The following FOXP2 variants were observed in gnomAD, a reference collection of about 807,000 sequenced individuals.
FOXP2 encodes forkhead box protein P2.
FOXP2 carries 12 observed loss-of-function variants against 115.8 expected under a neutral mutation model. The ratio of observed to expected loss-of-function variants is 0.10; its 90% CI spans 0.07 to 0.17. The LOEUF (loss-of-function observed/expected upper bound fraction) is 0.17. FOXP2 is among the 10% of genes least tolerant of loss of function. FOXP2 has a pLI of 1.00. For synonymous variants in FOXP2, 328 were observed against 297.7 expected (o/e 1.10, Z -1.05); for missense variants, 629 against 843.5 (o/e 0.75, Z 3.15).
At chr7:114,388,262 T>G in intron 2 of FOXP2, among the ~76,000 whole-genome samples, 1 of 152,154 alleles carries the variant, frequency 6.6e-6, no homozygotes, top group South Asian at 2.1e-4. Context: ...AATTGTAAAA[T>G]GAGCCCCACC....
chr7:114,198,592 G>C (rs1200057008), intron 1 of FOXP2, among the ~76,000 whole-genome samples: 1 of 152,198 alleles, frequency 6.6e-6, no homozygotes, highest in South Asian at 2.1e-4. Flanking sequence ...CTGCTGATCT[G>C]ACGGGAGGTG....
rs938461175 is a variant in FOXP2 at position 114,415,130 on chromosome 7, A to G, written c.-241A>G. ...TTGATTTGTTTTAATTACCAGCACAAAATGCCATCAGTCTGGGACGTGATC... is the reference window on the plus strand; with the variant it reads ...TTGATTTGTTTTAATTACCAGCACAGAATGCCATCAGTCTGGGACGTGATC... On this transcript the variant is annotated 5_prime_UTR_variant, in exon 1 of 17. Transcript: ENST00000350908. 2.2e-6 allele frequency: 1 copy of G among 454,176 alleles called. No homozygotes were observed. Among genetic ancestry groups the G allele is most frequent in the African/African-American group, 2.0e-5 (1 of 49,954 alleles). The allele number at this position is 454,176 out of a possible 1,614,324, so 28.1% of individuals were successfully genotyped here.
intron 3 of FOXP2, among the ~76,000 whole-genome samples, chr7:114,538,752 T>A (rs1411563478): frequency 1.3e-5 from 2 of 151,826 alleles, no homozygotes; most frequent in Non-Finnish European, 2.9e-5. Context: ...ATTGGGTATA[T>A]CTTGTTGGAT....
intron 3 of FOXP2, among the ~76,000 whole-genome samples, 180 bp from the exon 4 acceptor site, chr7:114,628,360 G>C (rs1043948214): frequency 6.6e-6 from 1 of 152,180 alleles, no homozygotes; most frequent in African/African-American, 2.4e-5. Context: ...TGGAAAGCTA[G>C]TGTCTATGTT....
chr7:114,155,501 C>G (rs1792640638), intron 1 of FOXP2, among the ~76,000 whole-genome samples: 1 of 152,156 alleles, frequency 6.6e-6, no homozygotes, highest in Non-Finnish European at 1.5e-5. Flanking sequence ...CCCTGGAAAG[C>G]TGTCTCTTGT....
At chr7:114,526,483 A>C (rs1267285594) in intron 2 of FOXP2, among the ~76,000 whole-genome samples, 12 of 146,732 alleles carry the variant, frequency 8.2e-5, no homozygotes, top group Non-Finnish European at 1.5e-4. Flanking sequence ...CTCAAAAAAA[A>C]AAAACAAAAA....
chr7:114,198,698 G>A (rs1030241934), intron 1 of FOXP2, among the ~76,000 whole-genome samples: 1 of 152,130 alleles, frequency 6.6e-6, no homozygotes, highest in East Asian at 1.9e-4. Context: ...TGTGGCCTGG[G>A]GCTGCTCTAG....
At chr7:114,119,301 A>C (rs764063364) in intron 1 of FOXP2, among the ~76,000 whole-genome samples, 7 of 152,260 alleles carry the variant, frequency 4.6e-5, no homozygotes, top group Middle Eastern at 3.4e-3. Flanking sequence ...TGGAATTACC[A>C]ATATTTTCTG....
At chr7:114,319,510 A>T (rs1797360069) in intron 2 of FOXP2, among the ~76,000 whole-genome samples, 2 of 152,330 alleles carry the variant, frequency 1.3e-5, no homozygotes, top group South Asian at 4.1e-4. Flanking sequence ...GAAGGCAAGG[A>T]GGAGCAAGTC....
intron 1 of FOXP2, among the ~76,000 whole-genome samples, chr7:114,257,100 T>C (rs1387454838): frequency 6.6e-6 from 1 of 152,064 alleles, no homozygotes; most frequent in Non-Finnish European, 1.5e-5. Context: ...AACAGACACA[T>C]AAACCAATGG....
At chr7:114,163,407 A>G (rs929999523) in intron 1 of FOXP2, among the ~76,000 whole-genome samples, 1 of 152,044 alleles carries the variant, frequency 6.6e-6, no homozygotes, top group Admixed American at 6.6e-5. Context: ...TTTTGCCATT[A>G]TAATCTCTTT....
intron 1 of FOXP2, among the ~76,000 whole-genome samples, chr7:114,171,513 C>A (rs991772950): frequency 1.3e-5 from 2 of 152,128 alleles, no homozygotes; most frequent in African/African-American, 4.8e-5. Context: ...GTGGAGGCTG[C>A]AGTTGAGCTA....
intron 2 of FOXP2, among the ~76,000 whole-genome samples, chr7:114,388,199 C>T (rs1278705564): frequency 1.3e-5 from 2 of 152,078 alleles, no homozygotes; most frequent in African/African-American, 4.8e-5. Context: ...AGGCAGGTGT[C>T]CTTCTCACAC....
intron 3 of FOXP2, among the ~76,000 whole-genome samples, chr7:114,564,195 A>G (rs773766916): frequency 6.6e-6 from 1 of 152,108 alleles, no homozygotes; most frequent in Non-Finnish European, 1.5e-5. Flanking sequence ...TACCAAAACT[A>G]TCACATATTG....
chr7:114,518,850 G>A (rs1206323410), intron 2 of FOXP2, among the ~76,000 whole-genome samples: 1 of 152,062 alleles, frequency 6.6e-6, no homozygotes, highest in Non-Finnish European at 1.5e-5. Flanking sequence ...TAATCACTTT[G>A]TTAGTTATTT....
At chr7:114,160,782 C>CTGTGTGTG (rs34540150), upstream of FOXP2, among the ~76,000 whole-genome samples, 1,661 of 147,338 alleles carry the variant, frequency 0.011, 14 homozygotes, top group Middle Eastern at 0.049. Context: ...AGTATATTTT[C>CTGTGTGTG]TGTGTGTGTG....
chr7:114,170,832 T>G (rs1047581808), intron 1 of FOXP2, among the ~76,000 whole-genome samples: 1 of 152,172 alleles, frequency 6.6e-6, no homozygotes, highest in Non-Finnish European at 1.5e-5. Context: ...AAGTTTGAGG[T>G]GAAACAGCAC....
chr7:114,468,504 T>C (rs767627696), intron 2 of FOXP2, among the ~76,000 whole-genome samples: 2 of 152,118 alleles, frequency 1.3e-5, no homozygotes, highest in Non-Finnish European at 2.9e-5. Context: ...GTTTTCACAC[T>C]CCCTGGCTCA....
chr7:114,661,174 T>C (rs926551858), intron 13 of FOXP2, among the ~76,000 whole-genome samples: 1 of 151,966 alleles, frequency 6.6e-6, no homozygotes, highest in African/African-American at 2.4e-5. Flanking sequence ...AAGAATTAGG[T>C]CATTTCTGAG....
Sources: allele counts gnomAD v4.1 joint callset (sites outside exome capture counted in the v4.1 genomes callset), GRCh38; gene constraint gnomAD v4.1.1; transcripts MANE v1.5; gene names NCBI Gene and HGNC (gene_info 2026-07-23, HGNC 2026-07-21).